Variants in ANGPTL5 observed in about 807,000 individuals in gnomAD.
The protein encoded by ANGPTL5 is angiopoietin like 5.
A neutral mutation model predicts 39.4 loss-of-function variants in ANGPTL5; 34 were observed. The ratio of observed to expected loss-of-function variants is 0.86; its 90% CI spans 0.66 to 1.15. ANGPTL5 has a LOEUF of 1.15. ANGPTL5 is among the 50% of genes most tolerant of loss of function. ANGPTL5 has a pLI of 0.00. For missense variants in ANGPTL5, 467 were observed against 457.5 expected (o/e 1.02, Z -0.19); for synonymous variants, 146 against 152.1 (o/e 0.96, Z 0.29).
rs925377479 is a variant in ANGPTL5, at chr11:101,890,684, A to G, written c.*595T>C. The G allele has an allele frequency of 2.0e-5, 3 of 152,390 alleles. No homozygotes were observed. Among genetic ancestry groups the G allele is most frequent in the African/African-American group, 7.2e-5 (3 of 41,468 alleles). The allele number at this position is 152,390 out of a possible 1,614,324, so 9.4% of individuals were successfully genotyped here. On this transcript the variant is annotated 3_prime_UTR_variant, in exon 9 of 9. Coordinates refer to ENST00000334289, the MANE Select transcript of ANGPTL5 (RefSeq NM_178127.5). The stretch of plus-strand genomic sequence containing the variant: ...TTAGAATGCAGCTGATCAGGATATA[A>G]AAGTACATATATTTATTACAAACAA...
intron 2 of ANGPTL5, among the ~76,000 whole-genome samples, chr11:101,907,610 T>C (rs1940020816): frequency 6.6e-6 from 1 of 152,182 alleles, no homozygotes; most frequent in Non-Finnish European, 1.5e-5. Flanking sequence ...AATATTTTCA[T>C]ATCTGTTGAA....
intron 7 of ANGPTL5, 107 bp from the exon 8 acceptor site, chr11:101,895,171 C>A: frequency 1.0e-6 from 1 of 961,174 alleles, no homozygotes; most frequent in Non-Finnish European, 1.5e-6. Context: ...TGAGATGGCT[C>A]AGATAAGTAA....
chr11:101,900,163 G>A (rs1003254099), intron 7 of ANGPTL5, among the ~76,000 whole-genome samples: 7 of 152,088 alleles, frequency 4.6e-5, no homozygotes, highest in African/African-American at 9.7e-5. Flanking sequence ...ATTCTGCTGG[G>A]TGCATAATAG....
At chr11:101,900,621 C>G in intron 6 of ANGPTL5, 71 bp from the exon 7 acceptor site, 2 of 1,517,626 alleles carry the variant, frequency 1.3e-6, no homozygotes, top group Non-Finnish European at 9.1e-7. Flanking sequence ...AACACTCATG[C>G]TTCATCCTTA....
intron 7 of ANGPTL5, among the ~76,000 whole-genome samples, chr11:101,897,391 T>G (rs1939818706): frequency 6.6e-6 from 1 of 152,242 alleles, no homozygotes; most frequent in Non-Finnish European, 1.5e-5. Context: ...TGGCTTTTGT[T>G]CAAATTGCTT....
At chr11:101,900,667 T>G in intron 6 of ANGPTL5, 117 bp from the exon 7 acceptor site, 1 of 985,132 alleles carries the variant, frequency 1.0e-6, no homozygotes, top group South Asian at 1.4e-5. Flanking sequence ...CACTGAGTTT[T>G]CAATGCAATC....
At chr11:101,901,015 C>CTTTTTTTTTTTTTTTTTTTTTTTTTTTTT (rs34425298) in intron 6 of ANGPTL5, among the ~76,000 whole-genome samples, 1 of 98,658 alleles carries the variant, frequency 1.0e-5, no homozygotes, top group African/African-American at 4.2e-5. Context: ...GCACCCCCGG[C>CTTTTTTTTTTTTTTTTTTTTTTTTTTTTT]TTTTTTTTTT....
chr11:101,895,182 T>A, intron 7 of ANGPTL5, 118 bp from the exon 8 acceptor site: 1 of 833,666 alleles, frequency 1.2e-6, no homozygotes, highest in South Asian at 2.0e-5. Context: ...AGATAAGTAA[T>A]TAAAGGCACT....
chr11:101,907,924 G>C lies in ANGPTL5; in HGVS notation c.-15C>G, dbSNP rs755477929. 1.4e-5 allele frequency: 22 copies of C among 1,517,612 alleles called. No individual in the cohort carries two copies. The highest frequency in any genetic ancestry group is 5.0e-5 in the Admixed American group (3 of 59,724). 94.0% of individuals were successfully genotyped at this position (1,517,612 alleles called of 1,614,324 possible). A position where few individuals can be genotyped will look rare whatever the true frequency, so the allele number is the denominator to read the frequency against. On this transcript the variant is annotated 5_prime_UTR_variant, in exon 2 of 9. In the 5' UTR this introduces an upstream ATG that the reference lacks. Coordinates refer to ENST00000334289, the MANE Select transcript of ANGPTL5 (RefSeq NM_178127.5). Reference sequence around the variant, plus strand: ...GGAGACATCATATTTTTCTTGGATAGATGAAAACACTTCTTCAAATATCAG... The same window carrying C: ...GGAGACATCATATTTTTCTTGGATACATGAAAACACTTCTTCAAATATCAG...
chr11:101,908,068 A>T lies in ANGPTL5; in HGVS notation c.-92-67T>A, dbSNP rs576762711. ...TTTCCATGCCCTGGTTTGAAACAAC[A>T]CCCTTCATATGAAAAACAAAGTAGC... On this transcript the variant is annotated intron_variant, in intron 1 of 8. Transcript: ENST00000334289. 5.2e-6 allele frequency: 3 copies of T among 572,104 alleles called. No homozygotes were observed. In the East Asian group the frequency reaches 9.3e-5, roughly 18 times the overall value. 35.4% of individuals were successfully genotyped at this position (572,104 alleles called of 1,614,324 possible). A position where few individuals can be genotyped will look rare whatever the true frequency, so the allele number is the denominator to read the frequency against.
chr11:101,916,057 AGAG>A lies in ANGPTL5; in HGVS notation c.-134_-132del, dbSNP rs1351976256. 3 of 152,270 alleles carry A rather than the reference AGAG, an allele frequency of 2.0e-5. No homozygotes were observed. Among genetic ancestry groups the A allele is most frequent in the Non-Finnish European group, 4.4e-5 (3 of 68,068 alleles). The allele number at this position is 152,270 out of a possible 1,614,324, so 9.4% of individuals were successfully genotyped here. A position where few individuals can be genotyped will look rare whatever the true frequency, so the allele number is the denominator to read the frequency against. ...GTTGGTTGCATTGTAGAAAATGGAA[AGAG>A]GAGAAGTATTTTGTTATCAAAATCT... On this transcript the variant is annotated 5_prime_UTR_variant, in exon 1 of 9. Coordinates refer to ENST00000334289, the MANE Select transcript of ANGPTL5 (RefSeq NM_178127.5).
intron 7 of ANGPTL5, 109 bp from the exon 8 acceptor site, chr11:101,895,173 G>T: frequency 1.1e-6 from 1 of 945,442 alleles, no homozygotes; most frequent in South Asian, 1.9e-5. Flanking sequence ...AGATGGCTCA[G>T]ATAAGTAATT....
chr11:101,894,454 G>A (rs1392651706), intron 8 of ANGPTL5, among the ~76,000 whole-genome samples: 1 of 152,158 alleles, frequency 6.6e-6, no homozygotes, highest in Non-Finnish European at 1.5e-5. Flanking sequence ...TTCTTGCCTT[G>A]GCTCAGGTGA....
At chr11:101,897,896 T>A (rs949557415) in intron 7 of ANGPTL5, among the ~76,000 whole-genome samples, 2 of 152,144 alleles carry the variant, frequency 1.3e-5, no homozygotes, top group African/African-American at 4.8e-5. Flanking sequence ...GTGAAGAAAG[T>A]CAATGGTAGC....
At chr11:101,915,206 C>G (rs926189454) in intron 1 of ANGPTL5, 16 of 1,584,238 alleles carry the variant, frequency 1.0e-5, no homozygotes, top group East Asian at 2.2e-5. Flanking sequence ...AGGGAGGGGC[C>G]GAGCAGGAGG....
chr11:101,908,732 G>A (rs571277421), intron 1 of ANGPTL5, among the ~76,000 whole-genome samples: 1 of 141,192 alleles, frequency 7.1e-6, no homozygotes, highest in South Asian at 2.2e-4. Context: ...AGTGAGCCGA[G>A]ATCACGCCAC....
chr11:101,895,023 T>C lies in ANGPTL5; in HGVS notation c.703A>G (p.Asn235Asp). Residue 235 changes from asparagine to aspartate, a missense_variant, in exon 8 of 9, where the codon AAT (asparagine) becomes GAT (aspartate). By Grantham distance (23) the Asn-to-Asp change is conservative. Transcript: ENST00000334289. The stretch of plus-strand genomic sequence containing the variant: ...AGCATAAAACTGGTATTTTTCTGAT[T>C]TACTATATAAAAAATCTTTTTCAGT... ...LGLKKIFYIV[N>D]QKNTSFMLYV... 4.4e-6 allele frequency: 7 copies of C among 1,606,296 alleles called. No homozygotes were observed. The highest frequency in any genetic ancestry group is 6.0e-6 in the Non-Finnish European group (7 of 1,176,156).
At chr11:101,911,592 CTCTT>C in intron 1 of ANGPTL5, among the ~76,000 whole-genome samples, 1 of 152,272 alleles carries the variant, frequency 6.6e-6, no homozygotes, top group East Asian at 1.9e-4. Context: ...CCTCCCCTCT[CTCTT>C]TCAGTCCTGC....
At chr11:101,896,201 TATTG>T (rs955776825) in intron 7 of ANGPTL5, among the ~76,000 whole-genome samples, 1 of 130,830 alleles carries the variant, frequency 7.6e-6, no homozygotes, top group Non-Finnish European at 1.6e-5. Flanking sequence ...TTTATTTATT[TATTG>T]AGAGTCTAAC....
Sources: allele counts gnomAD v4.1 joint callset (sites outside exome capture counted in the v4.1 genomes callset), GRCh38; gene constraint gnomAD v4.1.1; transcripts MANE v1.5; gene names NCBI Gene and HGNC (gene_info 2026-07-23, HGNC 2026-07-21).